The following SLC11A1 variants were observed in gnomAD, a reference collection of about 807,000 sequenced individuals.
The protein encoded by SLC11A1 is solute carrier family 11 member 1.
A neutral mutation model predicts 63.2 loss-of-function variants in SLC11A1; 59 were observed. That is an observed-to-expected ratio of 0.93 (90% confidence interval 0.76 to 1.16). SLC11A1 has a LOEUF of 1.16. Among genes scored for constraint, SLC11A1 ranks in the 50% most tolerant of loss-of-function variants. The pLI, the probability that SLC11A1 is intolerant of heterozygous loss-of-function variation, is 0.00. For missense variants in SLC11A1, 688 were observed against 730.7 expected, an observed-to-expected ratio of 0.94 and a Z score of 0.67; for synonymous variants, 305 against 307.8, an observed-to-expected ratio of 0.99 and a Z score of 0.09.
Position 218,384,467 on chromosome 2 carries a change from A to G in SLC11A1, c.273+102A>G. On this transcript the variant is annotated intron_variant, in intron 3 of 14. Transcript: ENST00000233202. This position sits in a 1 kb window ranked among gnomAD's most constrained non-coding sequence, Gnocchi z 4.0. ...CCATGTTTCTCCAATGTGGCCTGGG[A>G]GCTGGTGTTAAGTTCAAATGGGCCC... 1 of 1,425,646 alleles carries G rather than the reference A, an allele frequency of 7.0e-7. No individual in the cohort carries two copies. Among genetic ancestry groups the G allele is most frequent in the Non-Finnish European group, 9.5e-7 (1 of 1,057,478 alleles). The allele number at this position is 1,425,646 out of a possible 1,614,324, so 88.3% of individuals were successfully genotyped here. A position where few individuals can be genotyped will look rare whatever the true frequency, so the allele number is the denominator to read the frequency against.
At chr2:218,391,591 T>C (rs1369715390) in intron 11 of SLC11A1, 96 bp downstream of exon 11, 1 of 1,288,992 alleles carries the variant, frequency 7.8e-7, no homozygotes, top group Non-Finnish European at 1.0e-6. Flanking sequence ...TCCTCTTTTC[T>C]TTTCTTTCTT....
At chr2:218,385,048 C>T (rs6734861) in intron 3 of SLC11A1, 99 bp from the exon 4 acceptor site, 2 of 1,522,186 alleles carry the variant, frequency 1.3e-6, no homozygotes. Flanking sequence ...CTCTCCCACC[C>T]CCTCCCCGAG....
At chr2:218,382,647 G>A (rs1426850819) in intron 1 of SLC11A1, among the ~76,000 whole-genome samples, 2 of 152,298 alleles carry the variant, frequency 1.3e-5, no homozygotes, top group Admixed American at 1.3e-4. Flanking sequence ...GAGAAGGTGA[G>A]GGGTCCAGCC....
chr2:218,389,107 T>TAATAA (rs1696286389), intron 8 of SLC11A1, among the ~76,000 whole-genome samples: 1 of 149,450 alleles, frequency 6.7e-6, no homozygotes, highest in Non-Finnish European at 1.5e-5. Flanking sequence ...CCTGTCAAAA[T>TAATAA]AATAATAATA....
Position 218,391,509 on chromosome 2 carries a change from C to G in SLC11A1, c.1164+14C>G. On this transcript the variant is annotated intron_variant, in intron 11 of 14. Coordinates refer to ENST00000233202, the MANE Select transcript of SLC11A1 (RefSeq NM_000578.4). ...TTCGTGATGGAGGTAGGGCAGGGGGCGGGCCCAGGAGGGCAAGGGGTCCAA... is the reference window on the plus strand; with the variant it reads ...TTCGTGATGGAGGTAGGGCAGGGGGGGGGCCCAGGAGGGCAAGGGGTCCAA... The G allele has an allele frequency of 6.4e-7, 1 of 1,570,996 alleles. No homozygotes were observed. The highest frequency in any genetic ancestry group is 2.4e-5 in the East Asian group (1 of 42,418).
chr2:218,391,280 A>G lies in SLC11A1; in HGVS notation c.1037A>G (p.Tyr346Cys). 4.3e-6 allele frequency: 3 copies of G among 692,650 alleles called. No homozygotes were observed. The highest frequency in any genetic ancestry group is 5.7e-5 in the East Asian group (1 of 17,686). 42.9% of individuals were successfully genotyped at this position (692,650 alleles called of 1,614,324 possible). A position where few individuals can be genotyped will look rare whatever the true frequency, so the allele number is the denominator to read the frequency against. Residue 346 changes from tyrosine to cysteine, a missense_variant, in exon 10 of 15, where the codon TAC becomes TGC. Transcript: ENST00000233202. Reference protein sequence around the residue: ...MNNATVAVDIYQGGVILGCLF... With the variant: ...MNNATVAVDICQGGVILGCLF... ...AACGCCACCGTGGCCGTGGACATTTACCAGGGGGTGAGCGCGGGTGGGTGG... is the reference window on the plus strand; with the variant it reads ...AACGCCACCGTGGCCGTGGACATTTGCCAGGGGGTGAGCGCGGGTGGGTGG...
chr2:218,386,755 G>T lies in SLC11A1; in HGVS notation c.500+14G>T. The T allele has an allele frequency of 6.3e-7, 1 of 1,594,220 alleles. No individual in the cohort carries two copies. Among genetic ancestry groups the T allele is most frequent in the Non-Finnish European group, 8.6e-7 (1 of 1,162,246 alleles). On this transcript the variant is annotated intron_variant, in intron 5 of 14. Transcript: ENST00000233202. ...CTCAGCTGGACGGTACCACCCCAGT[G>T]TACCCCAACTCTTCAGGCCAGGCAG...
rs535436004 is a variant in SLC11A1, at chr2:218,387,538, G to A, written c.572-27G>A. The A allele has an allele frequency of 3.1e-5, 50 of 1,610,490 alleles. No homozygotes were observed. In the South Asian group the frequency reaches 5.0e-4, roughly 16 times the overall value. On this transcript the variant is annotated intron_variant, in intron 6 of 14. Transcript: ENST00000233202. ...TGTCACAGATTTTTTTCGTTGGTTTGTTTAGTTTGTTTGTTCTGCTCCGTA... is the reference window on the plus strand; with the variant it reads ...TGTCACAGATTTTTTTCGTTGGTTTATTTAGTTTGTTTGTTCTGCTCCGTA...
Position 218,396,473 on chromosome 2 carries a change from C to T in SLC11A1, c.*1438C>T, listed in dbSNP as rs1049616329. 3 of 152,428 alleles carry T rather than the reference C, an allele frequency of 2.0e-5. No homozygotes were observed. Among genetic ancestry groups the T allele is most frequent in the African/African-American group, 7.2e-5 (3 of 41,472 alleles). 9.4% of individuals were successfully genotyped at this position (152,428 alleles called of 1,614,324 possible). A position where few individuals can be genotyped will look rare whatever the true frequency, so the allele number is the denominator to read the frequency against. On this transcript the variant is annotated 3_prime_UTR_variant, in exon 15 of 15. Transcript: ENST00000233202. ...TTGCACCTGGAAGAACCCCCGATTT[C>T]CTGGGGACCCAGCAGGGCAGGCGGC...
Position 218,382,304 on chromosome 2 carries a change from G to A in SLC11A1, c.-65G>A. On this transcript the variant is annotated 5_prime_UTR_variant, in exon 1 of 15. The change creates a new upstream start codon in the 5' untranslated region. Coordinates refer to ENST00000233202, the MANE Select transcript of SLC11A1 (RefSeq NM_000578.4). ...ACTTGCACCAGTGCCCAGAGAGGGG[G>A]TGCAGGCTGAGGAGCTGCCCAGAGC... 2 of 1,596,238 alleles carry A rather than the reference G, an allele frequency of 1.3e-6. No homozygotes were observed. The highest frequency in any genetic ancestry group is 1.7e-6 in the Non-Finnish European group (2 of 1,167,860).
In SLC11A1 at chr2:218,393,017, GTCC is replaced by G; in HGVS notation, c.1207_1209del (p.Leu403del). The G allele has an allele frequency of 6.3e-7, 1 of 1,598,034 alleles. No homozygotes were observed. Among genetic ancestry groups the G allele is most frequent in the East Asian group, 2.3e-5 (1 of 43,518 alleles). ...GCTGCGGTGGTCACGCTTCGCCCGT[GTCC>G]TCCTCACCCGCTCCTGCGCCATCCT... On this transcript the variant is annotated inframe_deletion, in exon 12 of 15. Coordinates refer to ENST00000233202, the MANE Select transcript of SLC11A1 (RefSeq NM_000578.4).
intron 4 of SLC11A1, chr2:218,385,548 C>T (rs1696052346): frequency 2.2e-6 from 1 of 456,962 alleles, no homozygotes; most frequent in Non-Finnish European, 4.3e-6. Flanking sequence ...CCACCACCAT[C>T]ATCGGCTAAT....
Position 218,387,160 on chromosome 2 carries a change from A to C in SLC11A1, c.501A>C (p.Arg167=). ...CTGACCCGGGCCACTCTGGTTTCAGAATCCCACTCTGGGGTGGCGTCCTCA... is the reference window on the plus strand; with the variant it reads ...CTGACCCGGGCCACTCTGGTTTCAGCATCCCACTCTGGGGTGGCGTCCTCA... ...AIAFNLLSAG[R]IPLWGGVLIT... The change falls in exon 6 of 15, where the codon CGA becomes CGC. Residue 167 remains arginine, a splice_region_variant and synonymous_variant. Coordinates refer to ENST00000233202, the MANE Select transcript of SLC11A1 (RefSeq NM_000578.4). The C allele has an allele frequency of 1.2e-6, 2 of 1,614,162 alleles. No individual in the cohort carries two copies. The highest frequency in any genetic ancestry group is 1.7e-6 in the Non-Finnish European group (2 of 1,179,998).
Position 218,383,222 on chromosome 2 carries a change from A to G in SLC11A1, c.150+120A>G, listed in dbSNP as rs376565020. 1.5e-4 allele frequency: 172 copies of G among 1,175,622 alleles called. 3 individuals carry two copies. The East Asian group carries it at 2.0e-3, about 13-fold the overall frequency. 72.8% of individuals were successfully genotyped at this position (1,175,622 alleles called of 1,614,324 possible). ...TGGCAAGTCCCTTCCAGGTCTGAGC[A>G]GCAGTGGTGGACAGTGGCAACTGCC... On this transcript the variant is annotated intron_variant, in intron 2 of 14. Transcript: ENST00000233202.
rs1031778280 is a variant in SLC11A1 at position 218,395,434 on chromosome 2, C to T, written c.*399C>T. 1 of 178,884 alleles carries T rather than the reference C, an allele frequency of 5.6e-6. No individual in the cohort carries two copies. The highest frequency in any genetic ancestry group is 1.2e-5 in the Non-Finnish European group (1 of 84,384). 11.1% of individuals were successfully genotyped at this position (178,884 alleles called of 1,614,324 possible). On this transcript the variant is annotated 3_prime_UTR_variant, in exon 15 of 15. Coordinates refer to ENST00000233202, the MANE Select transcript of SLC11A1 (RefSeq NM_000578.4). ...TCCAAACTGGAGCTTGAAATAGTGT[C>T]TGATGAATGTTAAATTATCTATCTA... is the stretch of plus-strand genomic sequence containing the variant.
chr2:218,389,852 T>G lies in SLC11A1; in HGVS notation c.796-18T>G. ...TCTGAGGGACTTTGGCACTTCCCTCTCCCTTTGATCTTCGTAGTCTCGAGA... is the reference window on the plus strand; with the variant it reads ...TCTGAGGGACTTTGGCACTTCCCTCGCCCTTTGATCTTCGTAGTCTCGAGA... On this transcript the variant is annotated intron_variant, in intron 8 of 14. Coordinates refer to ENST00000233202, the MANE Select transcript of SLC11A1 (RefSeq NM_000578.4). 6.3e-7 allele frequency: 1 copy of G among 1,596,686 alleles called. No homozygotes were observed. The highest frequency in any genetic ancestry group is 8.5e-7 in the Non-Finnish European group (1 of 1,171,048).
At position 218,392,973 on chromosome 2, in the gene SLC11A1, CA is replaced by C. The variant is rs763388938; in HGVS notation, c.1165-7del. ...TACTCCTCACCAAGGAGTTCACCCC[CA>C]CCCCAGGGCTTCCTGAGGCTGCGGT... On this transcript the variant is annotated splice_polypyrimidine_tract_variant and splice_region_variant and intron_variant, in intron 11 of 14. Transcript: ENST00000233202. The C allele has an allele frequency of 1.9e-6, 3 of 1,584,882 alleles. No individual in the cohort carries two copies.
In SLC11A1 at chr2:218,385,280, G is replaced by C. The variant is rs3731865; in HGVS notation, c.393+14G>C. 412,244 of 1,613,326 alleles carry C rather than the reference G, an allele frequency of 0.26. 55,575 individuals are homozygous for C. The highest frequency in any genetic ancestry group is 0.3 in the Admixed American group (17,977 of 59,990). The stretch of plus-strand genomic sequence containing the variant: ...TACTACCCTAAGGTGAGCTTGGGGG[G>C]CCTGGACAGGGAGAACCACTGGCCC... On this transcript the variant is annotated intron_variant, in intron 4 of 14. Coordinates refer to ENST00000233202, the MANE Select transcript of SLC11A1 (RefSeq NM_000578.4).
chr2:218,382,932 A>G (rs1695879293), intron 1 of SLC11A1, 28 bp from the exon 2 acceptor site: 1 of 1,613,646 alleles, frequency 6.2e-7, no homozygotes, highest in African/African-American at 1.3e-5. Flanking sequence ...GAGGCAGGAC[A>G]CTCACCATGC....
Sources: gnomAD v4.1 joint callset for allele counts (sites outside exome capture counted in the v4.1 genomes callset) on GRCh38, gnomAD v4.1.1 for gene constraint, Gnocchi (gnomAD v3.1) non-coding constraint, MANE v1.5 for transcripts, NCBI Gene and HGNC (gene_info 2026-07-23, HGNC 2026-07-21) for gene names.